The following BRCA1 variants were observed in gnomAD, a reference collection of about 807,000 sequenced individuals.
BRCA1 encodes BRCA1 DNA repair associated, also known as breast cancer type 1 susceptibility protein.
In BRCA1, 140 loss-of-function variants were observed where a neutral mutation model predicts 173.7. The ratio of observed to expected loss-of-function variants is 0.81; its 90% CI spans 0.70 to 0.93. BRCA1 has a LOEUF of 0.93. Among genes scored for constraint, BRCA1 ranks in the 40% least tolerant of loss-of-function variants. The probability of loss-of-function intolerance (pLI) is 0.00; values close to 1 mark genes in which losing one functional copy is unlikely to be tolerated. For missense variants in BRCA1, 1,983 were observed against 2,172.5 expected (o/e 0.91, Z 1.73); for synonymous variants, 662 against 756.0 (o/e 0.88, Z 2.04).
intron 2 of BRCA1, among the ~76,000 whole-genome samples, chr17:43,120,135 A>C (rs900862094): frequency 6.6e-6 from 1 of 152,236 alleles, no homozygotes; most frequent in African/African-American, 2.4e-5. Context: ...GAAAAACAAC[A>C]ACCCACCGGG....
At chr17:43,127,111 G>A (rs1261652046), upstream of BRCA1, among the ~76,000 whole-genome samples, 9 of 152,216 alleles carry the variant, frequency 5.9e-5, no homozygotes, top group East Asian at 5.8e-4. Flanking sequence ...CCCAACCCCT[G>A]TGAGCTCCAG....
At position 43,047,720 on chromosome 17, in the gene BRCA1, G is replaced by C. The variant is rs867576129; in HGVS notation, c.5407-17C>G. The C allele has an allele frequency of 6.2e-7, 1 of 1,613,896 alleles. No individual in the cohort carries two copies. Among genetic ancestry groups the C allele is most frequent in the Non-Finnish European group, 8.5e-7 (1 of 1,179,820 alleles). ...GTGGACACCCTGGATCCCCAGGAAG[G>C]AAAGAGCATTCAAAGTGTCAAAGTA... On this transcript the variant is annotated splice_polypyrimidine_tract_variant and intron_variant, in intron 21 of 22. Coordinates refer to ENST00000357654, the MANE Select transcript of BRCA1 (RefSeq NM_007294.4).
At chr17:43,051,224 A>G in intron 19 of BRCA1, 107 bp from the exon 20 acceptor site, 1 of 1,088,220 alleles carries the variant, frequency 9.2e-7, no homozygotes, top group Non-Finnish European at 1.4e-6. Context: ...AAAAAGGAAG[A>G]GCTTTTCTTT....
rs1361511219 is a variant in BRCA1, at chr17:43,044,812, T to A, written c.*866A>T. On this transcript the variant is annotated 3_prime_UTR_variant, in exon 23 of 23. Transcript: ENST00000357654. ...CTTCTAGTTTCATTTTCCTTTTTTTTTTTTTTTTTTTGAGCCACAGTCTCA... is the reference window on the plus strand; with the variant it reads ...CTTCTAGTTTCATTTTCCTTTTTTTATTTTTTTTTTTGAGCCACAGTCTCA... 4.4e-6 allele frequency: 2 copies of A among 455,890 alleles called. No individual in the cohort carries two copies. Among genetic ancestry groups the A allele is most frequent in the South Asian group, 3.4e-5 (2 of 58,030 alleles). 28.2% of individuals were successfully genotyped at this position (455,890 alleles called of 1,614,324 possible). A position where few individuals can be genotyped will look rare whatever the true frequency, so the allele number is the denominator to read the frequency against.
intron 18 of BRCA1, among the ~76,000 whole-genome samples, chr17:43,061,973 C>T (rs1280048829): frequency 1.3e-5 from 2 of 152,164 alleles, no homozygotes; most frequent in Non-Finnish European, 2.9e-5. Flanking sequence ...TCCTCCTACA[C>T]TCTATCTTAT....
chr17:43,100,673 TATATAATATATA>T lies in BRCA1; in HGVS notation c.442-805_442-794del, dbSNP rs1252362824. ...TATATATAACATATATATATATATA[TATATAATATATA>T]TATATATATATATATATGTAATCCC... On this transcript the variant is annotated intron_variant, in intron 6 of 22. Coordinates refer to ENST00000357654, the MANE Select transcript of BRCA1 (RefSeq NM_007294.4). Among the ~76,000 whole-genome samples the T allele has an allele frequency of 3.1e-4, 5 of 16,336 alleles. 1 individual carries two copies. Among genetic ancestry groups the T allele is most frequent in the Admixed American group, 1.1e-3 (1 of 952 alleles). The allele number at this position is 16,336 out of a possible 152,430, so 10.7% of individuals were successfully genotyped here. A position where few individuals can be genotyped will look rare whatever the true frequency, so the allele number is the denominator to read the frequency against.
intron 22 of BRCA1, 69 bp downstream of exon 22, chr17:43,047,574 G>C (rs1034688600): frequency 6.8e-7 from 1 of 1,478,640 alleles, no homozygotes; most frequent in Non-Finnish European, 9.5e-7. Context: ...TCAAGCACCA[G>C]GTAATGAGTG....
At chr17:43,049,850 T>G (rs1361957450) in intron 20 of BRCA1, among the ~76,000 whole-genome samples, 1 of 152,218 alleles carries the variant, frequency 6.6e-6, no homozygotes, top group Non-Finnish European at 1.5e-5. Context: ...TATGTTGCTC[T>G]TTCCCATCAG....
rs371005195 is a variant in BRCA1 at position 43,107,110 on chromosome 17, G to C, written c.135-577C>G. On this transcript the variant is annotated intron_variant, in intron 3 of 22. Coordinates refer to ENST00000357654, the MANE Select transcript of BRCA1 (RefSeq NM_007294.4). ...GACGGAGTCTCGCTCTGTCTCCCAG[G>C]CTGGAGTGCAGTGGCACGATCTCGG... 2.5e-4 allele frequency among the ~76,000 whole-genome samples: 36 copies of C among 144,510 alleles called. No homozygotes were observed. The East Asian group carries it at 5.6e-3, about 23-fold the overall frequency. 94.8% of individuals were successfully genotyped at this position (144,510 alleles called of 152,430 possible).
intron 15 of BRCA1, among the ~76,000 whole-genome samples, chr17:43,068,059 C>T (rs988555097): frequency 1.3e-4 from 20 of 151,622 alleles, no homozygotes; most frequent in Non-Finnish European, 2.8e-4. Flanking sequence ...GGGCAGATCA[C>T]AAGGTCAGGA....
chr17:43,146,417 T>C (rs33933224), intron 1 of BRCA1, among the ~76,000 whole-genome samples: 45,104 of 148,404 alleles, frequency 0.3, 7,311 homozygotes, highest in South Asian at 0.5. Flanking sequence ...CACGCCATTC[T>C]CCTGCCTTAG....
At chr17:43,100,657 C>CATATATATATGTT (rs2054395560) in intron 6 of BRCA1, among the ~76,000 whole-genome samples, 1 of 16,132 alleles carries the variant, frequency 6.2e-5, no homozygotes, top group African/African-American at 5.4e-4. Context: ...ATATATATAA[C>CATATATATATGTT]ATATATATAT....
At chr17:43,100,646 C>CATATATATATTATAT in intron 6 of BRCA1, among the ~76,000 whole-genome samples, 2 of 42,058 alleles carry the variant, frequency 4.8e-5, no homozygotes, top group African/African-American at 1.8e-4. Flanking sequence ...ATATATATAA[C>CATATATATATTATAT]ATATATATAA....
intron 2 of BRCA1, among the ~76,000 whole-genome samples, chr17:43,121,883 T>C (rs2154571550): frequency 6.6e-6 from 1 of 152,250 alleles, no homozygotes; most frequent in Admixed American, 6.5e-5. Flanking sequence ...TTTTTATGAC[T>C]CTCTCCCATG....
chr17:43,106,590 T>C (rs1567812564), intron 3 of BRCA1, 57 bp from the exon 4 acceptor site: 2 of 1,321,068 alleles, frequency 1.5e-6, no homozygotes, highest in East Asian at 4.8e-5. Flanking sequence ...GTAGAAAGAA[T>C]ACTCAAAAGG....
intron 3 of BRCA1, among the ~76,000 whole-genome samples, chr17:43,107,366 G>A (rs1359405604): frequency 2.0e-5 from 3 of 147,962 alleles, no homozygotes; most frequent in Admixed American, 1.4e-4. Context: ...CCTGGCCGAC[G>A]ATTTTTATTT....
chr17:43,136,047 C>G (rs2056019851), intron 1 of BRCA1, among the ~76,000 whole-genome samples: 2 of 152,342 alleles, frequency 1.3e-5, no homozygotes, highest in South Asian at 4.1e-4. Context: ...AATTCCAGTA[C>G]TTTGGGAGAC....
At position 43,095,847 on chromosome 17, in the gene BRCA1, CT is replaced by C. The variant is rs80357537; in HGVS notation, c.668del (p.Lys223ArgfsTer11). On this transcript the variant is annotated frameshift_variant and splice_region_variant, in exon 9 of 23. Coordinates refer to ENST00000357654, the MANE Select transcript of BRCA1 (RefSeq NM_007294.4). LOFTEE classifies it high-confidence loss of function. ...TAAGTTGGCAAACTTTGCCATTACC[CT>C]TTTTTGCAGAATCCAAACTGATTTC... ...RDEISLDSAK[K>X]AACEFSETDV... The C allele has an allele frequency of 6.2e-7, 1 of 1,612,696 alleles. No individual in the cohort carries two copies. The highest frequency in any genetic ancestry group is 1.1e-5 in the South Asian group (1 of 90,938).
chr17:43,064,239 G>T (rs954846344), intron 16 of BRCA1, among the ~76,000 whole-genome samples: 2 of 152,192 alleles, frequency 1.3e-5, no homozygotes, highest in African/African-American at 4.8e-5. Context: ...GCTAGCTATA[G>T]ATCTCCATTA....
Sources: gnomAD v4.1 joint callset for allele counts (sites outside exome capture counted in the v4.1 genomes callset) on GRCh38, gnomAD v4.1.1 for gene constraint, MANE v1.5 for transcripts, NCBI Gene and HGNC (gene_info 2026-07-23, HGNC 2026-07-21) for gene names.